The following ZRANB3 variants were observed in gnomAD, a reference collection of about 807,000 sequenced individuals.
ZRANB3 encodes DNA annealing helicase and endonuclease ZRANB3.
A neutral mutation model predicts 133.8 loss-of-function variants in ZRANB3; 125 were observed. That is an observed-to-expected ratio of 0.93 (90% confidence interval 0.81 to 1.08). ZRANB3 has a LOEUF of 1.08. ZRANB3 is among the 50% of genes least tolerant of loss of function. The probability of loss-of-function intolerance (pLI) is 0.00; values close to 1 mark genes in which losing one functional copy is unlikely to be tolerated. For missense variants in ZRANB3, 1,229 were observed against 1,275.5 expected, an observed-to-expected ratio of 0.96 and a Z score of 0.56; for synonymous variants, 387 against 432.7, an observed-to-expected ratio of 0.89 and a Z score of 1.31.
chr2:135,432,571 T>A (rs1317435069), intron 2 of ZRANB3, among the ~76,000 whole-genome samples: 1 of 152,216 alleles, frequency 6.6e-6, no homozygotes. Context: ...GAGTTAACCA[T>A]AGCTGACAAG....
intron 2 of ZRANB3, among the ~76,000 whole-genome samples, chr2:135,500,154 A>C (rs967942445): frequency 6.6e-6 from 1 of 152,116 alleles, no homozygotes; most frequent in African/African-American, 2.4e-5. Flanking sequence ...TGGGAAAATA[A>C]ATTTCTGTTG....
At chr2:135,266,003 G>A (rs1680227497) in intron 11 of ZRANB3, among the ~76,000 whole-genome samples, 1 of 152,074 alleles carries the variant, frequency 6.6e-6, no homozygotes, top group Non-Finnish European at 1.5e-5. Context: ...GAGGTCAGGA[G>A]TTTGAGACCA....
chr2:135,236,539 TA>T (rs774473504), intron 12 of ZRANB3, among the ~76,000 whole-genome samples: 6 of 152,140 alleles, frequency 3.9e-5, no homozygotes, highest in Non-Finnish European at 5.9e-5. Context: ...CTTCAAGCTA[TA>T]CTACAAAGCT....
intron 3 of ZRANB3, among the ~76,000 whole-genome samples, chr2:135,372,656 G>A (rs1686235855): frequency 6.6e-6 from 1 of 151,970 alleles, no homozygotes; most frequent in African/African-American, 2.4e-5. Flanking sequence ...GCGTGGTGGT[G>A]GGTGCCTGTA....
At chr2:135,445,572 C>A (rs1459846924) in intron 2 of ZRANB3, among the ~76,000 whole-genome samples, 1 of 151,954 alleles carries the variant, frequency 6.6e-6, no homozygotes, top group Non-Finnish European at 1.5e-5. Context: ...TAATAGGAGG[C>A]AATGGTTGAA....
At chr2:135,417,616 T>C (rs1688647296) in intron 2 of ZRANB3, among the ~76,000 whole-genome samples, 1 of 152,214 alleles carries the variant, frequency 6.6e-6, no homozygotes, top group South Asian at 2.1e-4. Flanking sequence ...ACTGGGCATA[T>C]ACCCAAAGGA....
intron 1 of ZRANB3, chr2:135,511,549 C>CAA: frequency 9.8e-7 from 1 of 1,022,414 alleles, no homozygotes; most frequent in Non-Finnish European, 1.6e-6. Context: ...ATCTTGCTAT[C>CAA]TGAAGATATC....
intron 2 of ZRANB3, among the ~76,000 whole-genome samples, chr2:135,406,386 C>G (rs151227784): frequency 1.3e-5 from 2 of 152,122 alleles, no homozygotes; most frequent in East Asian, 1.9e-4. Flanking sequence ...CGAATTCTAC[C>G]AGAGGTACAA....
intron 17 of ZRANB3, among the ~76,000 whole-genome samples, chr2:135,216,663 C>A (rs1375087300): frequency 6.6e-6 from 1 of 150,964 alleles, no homozygotes; most frequent in African/African-American, 2.4e-5. Flanking sequence ...GATCATTGAA[C>A]TCCTGGGCTC....
chr2:135,426,600 C>T (rs187460319), intron 2 of ZRANB3, among the ~76,000 whole-genome samples: 1,564 of 151,328 alleles, frequency 0.01, 24 homozygotes, highest in African/African-American at 0.036. Flanking sequence ...GAGGCTGGGG[C>T]GGGCGGATCA....
intron 1 of ZRANB3, among the ~76,000 whole-genome samples, chr2:135,508,793 T>C (rs1341693807): frequency 6.6e-6 from 1 of 152,100 alleles, no homozygotes; most frequent in African/African-American, 2.4e-5. Flanking sequence ...GGTTCAGCCA[T>C]ATAGGTTTAA....
At chr2:135,287,911 T>C (rs1044508716) in intron 8 of ZRANB3, among the ~76,000 whole-genome samples, 1 of 152,162 alleles carries the variant, frequency 6.6e-6, no homozygotes, top group African/African-American at 2.4e-5. Context: ...TTTGCTGACA[T>C]GGATGCCCTT....
chr2:135,279,295 A>C (rs978167177), intron 8 of ZRANB3, among the ~76,000 whole-genome samples: 2 of 152,310 alleles, frequency 1.3e-5, no homozygotes, highest in Admixed American at 6.5e-5. Flanking sequence ...TCTGCAAACT[A>C]CATTTTGCAT....
At chr2:135,404,388 A>G (rs999099255) in intron 2 of ZRANB3, among the ~76,000 whole-genome samples, 3 of 152,186 alleles carry the variant, frequency 2.0e-5, no homozygotes, top group Non-Finnish European at 4.4e-5. Flanking sequence ...AAGCGAGAAG[A>G]GAAGTTTAGA....
intron 8 of ZRANB3, among the ~76,000 whole-genome samples, chr2:135,307,577 TG>T (rs1385775803): frequency 3.9e-5 from 6 of 152,254 alleles, no homozygotes; most frequent in African/African-American, 1.2e-4. Context: ...TTCTACAATC[TG>T]GGTCATTTCT....
chr2:135,348,206 C>T (rs1313453803), intron 5 of ZRANB3, among the ~76,000 whole-genome samples: 2 of 151,582 alleles, frequency 1.3e-5, no homozygotes, highest in Non-Finnish European at 2.9e-5. Context: ...TTGCTGTGAG[C>T]CGAGATCATG....
At chr2:135,310,567 C>T (rs1682923167) in intron 8 of ZRANB3, among the ~76,000 whole-genome samples, 1 of 152,056 alleles carries the variant, frequency 6.6e-6, no homozygotes, top group African/African-American at 2.4e-5. Context: ...TATCACTTAG[C>T]TATGGGATAT....
At chr2:135,212,299 A>G (rs1694125364) in intron 17 of ZRANB3, among the ~76,000 whole-genome samples, 1 of 152,160 alleles carries the variant, frequency 6.6e-6, no homozygotes, top group Non-Finnish European at 1.5e-5. Flanking sequence ...CAATTTCTTC[A>G]ACCATTTTAT....
rs538475451 is a variant in ZRANB3 at position 135,300,311 on chromosome 2, A to G, written c.966+13178T>C. ...AGTAGCTGCATATTTGCACCCATCT[A>G]TTTACTTGAAAACTCATTATTCTCT... On this transcript the variant is annotated intron_variant, in intron 8 of 20. Transcript: ENST00000264159. Among the ~76,000 whole-genome samples, 121 of 152,264 alleles carry G rather than the reference A, an allele frequency of 7.9e-4. 1 individual carries two copies. The highest frequency in any genetic ancestry group is 2.6e-3 in the African/African-American group (107 of 41,552).
Sources: gnomAD v4.1 joint callset for allele counts (sites outside exome capture counted in the v4.1 genomes callset) on GRCh38, gnomAD v4.1.1 for gene constraint, MANE v1.5 for transcripts, NCBI Gene and HGNC (gene_info 2026-07-23, HGNC 2026-07-21) for gene names.